The following ESRRB variants were observed in gnomAD, a reference collection of about 807,000 sequenced individuals.
ESRRB encodes the protein estrogen related receptor beta, also known as steroid hormone receptor ERR2.
In ESRRB, 16 loss-of-function variants were observed where a neutral mutation model predicts 46.0. The ratio of observed to expected loss-of-function variants is 0.35; its 90% CI spans 0.24 to 0.53. ESRRB has a LOEUF of 0.53. ESRRB is among the 20% of genes least tolerant of loss of function. ESRRB has a pLI of 0.93. For synonymous variants in ESRRB, 246 were observed against 259.6 expected (o/e 0.95, Z 0.50); for missense variants, 488 against 607.4 (o/e 0.80, Z 2.07).
At chr14:76,321,428 T>C (rs577300668) in intron 1 of ESRRB, among the ~76,000 whole-genome samples, 23 of 152,352 alleles carry the variant, frequency 1.5e-4, no homozygotes, top group African/African-American at 4.6e-4. Flanking sequence ...GGTTGAACCA[T>C]ATTATGACTT....
Position 76,376,180 on chromosome 14 carries a change from CT to C in ESRRB, c.-221del, listed in dbSNP as rs1353057794. The stretch of plus-strand genomic sequence containing the variant: ...CCTCCTCCACGGCTTCGCATCCCCT[CT>C]GCCCGCTCTCTCCGGAGCGTGCGGA... On this transcript the variant is annotated 5_prime_UTR_variant, in exon 1 of 7. Transcript: ENST00000644823. This position sits in a 1 kb window ranked among gnomAD's most constrained non-coding sequence, Gnocchi z 4.1. 1 of 392,540 alleles carries C rather than the reference CT, an allele frequency of 2.5e-6. No homozygotes were observed. Among genetic ancestry groups the C allele is most frequent in the Non-Finnish European group, 4.5e-6 (1 of 222,960 alleles). The allele number at this position is 392,540 out of a possible 1,614,324, so 24.3% of individuals were successfully genotyped here. A position where few individuals can be genotyped will look rare whatever the true frequency, so the allele number is the denominator to read the frequency against.
In ESRRB at chr14:76,398,951, A is replaced by G. The variant is rs867145006; in HGVS notation, c.50+22500A>G. Among the ~76,000 whole-genome samples the G allele has an allele frequency of 1.6e-4, 24 of 152,284 alleles. 2 individuals carry two copies. In the Middle Eastern group the frequency reaches 0.024, roughly 151 times the overall value. On this transcript the variant is annotated intron_variant, in intron 1 of 6. Coordinates refer to ENST00000644823, the MANE Select transcript of ESRRB (RefSeq NM_001379180.1). Reference sequence around the variant, plus strand: ...CTGAGGGGACTGTAGGAAGTGACAGAAAGGATGCAGTTGCATAGGTGGGTT... The same window carrying G: ...CTGAGGGGACTGTAGGAAGTGACAGGAAGGATGCAGTTGCATAGGTGGGTT...
At chr14:76,442,459 G>A (rs113579134) in intron 2 of ESRRB, among the ~76,000 whole-genome samples, 2,563 of 152,012 alleles carry the variant, frequency 0.017, 77 homozygotes, top group African/African-American at 0.059. Flanking sequence ...CTGGGCAACA[G>A]AGCAAGATCC....
intron 1 of ESRRB, among the ~76,000 whole-genome samples, chr14:76,347,105 G>A (rs1029923984): frequency 2.0e-5 from 3 of 152,162 alleles, no homozygotes; most frequent in Non-Finnish European, 4.4e-5. Flanking sequence ...TTGGAAACAA[G>A]CAGTCTCCCT....
Position 76,439,217 on chromosome 14 carries a change from C to G in ESRRB, c.51-124C>G, listed in dbSNP as rs112869560. The G allele has an allele frequency of 9.6e-5, 107 of 1,117,894 alleles. No individual in the cohort carries two copies. The African/African-American group carries it at 1.3e-3, about 14-fold the overall frequency. The allele number at this position is 1,117,894 out of a possible 1,614,324, so 69.2% of individuals were successfully genotyped here. A position where few individuals can be genotyped will look rare whatever the true frequency, so the allele number is the denominator to read the frequency against. ...GGGGAGACCAGCTGACCTTCTCCAC[C>G]GTTGTTTTATCGCACCAAAGCCTTA... On this transcript the variant is annotated intron_variant, in intron 1 of 6. Coordinates refer to ENST00000644823, the MANE Select transcript of ESRRB (RefSeq NM_001379180.1).
intron 2 of ESRRB, among the ~76,000 whole-genome samples, chr14:76,454,566 T>C (rs1888524237): frequency 6.6e-6 from 1 of 152,026 alleles, no homozygotes; most frequent in African/African-American, 2.4e-5. Context: ...AATGAGGAGT[T>C]TCAGGTAGAG....
intron 1 of ESRRB, among the ~76,000 whole-genome samples, chr14:76,401,214 A>G (rs574772409): frequency 5.3e-5 from 8 of 152,340 alleles, no homozygotes; most frequent in African/African-American, 1.9e-4. Context: ...TGAGCCTTCC[A>G]AATCCCCCAC....
chr14:76,489,445 C>CCACACACACACACACACTCACA (rs1890134795), intron 5 of ESRRB, among the ~76,000 whole-genome samples: 1 of 129,598 alleles, frequency 7.7e-6, no homozygotes, highest in Non-Finnish European at 1.6e-5. Flanking sequence ...ATCTGGACAA[C>CCACACACACACACACACTCACA]CACACACACA....
intron 1 of ESRRB, among the ~76,000 whole-genome samples, chr14:76,397,884 G>T (rs1156803726): frequency 6.6e-6 from 1 of 152,278 alleles, no homozygotes; most frequent in Non-Finnish European, 1.5e-5. Context: ...TGCATGCAAA[G>T]TTGACCTGTT....
rs931598377 is a variant in ESRRB at position 76,463,190 on chromosome 14, C to A, written c.577+529C>A. 6 of 213,470 alleles carry A rather than the reference C, an allele frequency of 2.8e-5. No individual in the cohort carries two copies. In the South Asian group the frequency reaches 5.2e-4, roughly 18 times the overall value. 13.2% of individuals were successfully genotyped at this position (213,470 alleles called of 1,614,324 possible). ...CCTCTCCCTTCCCTCTCCTTTCTCTCCCTGCGTCCTCTGTCTCTAGAGCTG... is the reference window on the plus strand; with the variant it reads ...CCTCTCCCTTCCCTCTCCTTTCTCTACCTGCGTCCTCTGTCTCTAGAGCTG... On this transcript the variant is annotated intron_variant, in intron 3 of 6. Coordinates refer to ENST00000644823, the MANE Select transcript of ESRRB (RefSeq NM_001379180.1).
At chr14:76,391,270 C>T (rs1272666567) in intron 1 of ESRRB, among the ~76,000 whole-genome samples, 3 of 152,144 alleles carry the variant, frequency 2.0e-5, no homozygotes, top group Non-Finnish European at 4.4e-5. Flanking sequence ...TTTCCTGGGT[C>T]CCAGCCAACC....
chr14:76,430,196 A>G (rs932770296), intron 1 of ESRRB, among the ~76,000 whole-genome samples: 9 of 152,184 alleles, frequency 5.9e-5, no homozygotes, highest in Non-Finnish European at 1.0e-4. Context: ...GTTACAGTAT[A>G]GTAGTTCTAG....
At chr14:76,356,966 C>T (rs1446879980) in intron 1 of ESRRB, among the ~76,000 whole-genome samples, 3 of 152,212 alleles carry the variant, frequency 2.0e-5, no homozygotes, top group Non-Finnish European at 2.9e-5. Context: ...TGAGGATCCT[C>T]AGGGAAGGTT....
chr14:76,445,466 C>CAAAAAAAA (rs747627410), intron 2 of ESRRB, among the ~76,000 whole-genome samples: 6 of 79,754 alleles, frequency 7.5e-5, no homozygotes, highest in Admixed American at 1.6e-4. Flanking sequence ...AACTCCGTCT[C>CAAAAAAAA]AAAAAAAAAA....
intron 1 of ESRRB, among the ~76,000 whole-genome samples, chr14:76,319,997 A>C (rs1352605682): frequency 6.6e-6 from 1 of 152,200 alleles, no homozygotes; most frequent in Non-Finnish European, 1.5e-5. Flanking sequence ...TGAAACACCA[A>C]CTTCAGGAGA....
chr14:76,316,815 A>G lies in ESRRB; in HGVS notation c.2+5899A>G, dbSNP rs144551076. On this transcript the variant is annotated intron_variant, in intron 1 of 6. Coordinates refer to the ESRRB transcript ENST00000512784. ...TCTTCCCAGGAATTTTATTCTGTTC[A>G]GTGAAGAAGCTTTGTCTAAGTCGAT... 7.7e-3 allele frequency among the ~76,000 whole-genome samples: 1,177 copies of G among 152,250 alleles called. 15 individuals carry two copies. The highest frequency in any genetic ancestry group is 0.027 in the African/African-American group (1,121 of 41,552).
At chr14:76,432,213 G>T (rs949213153) in intron 1 of ESRRB, among the ~76,000 whole-genome samples, 1 of 152,186 alleles carries the variant, frequency 6.6e-6, no homozygotes, top group Non-Finnish European at 1.5e-5. Context: ...AGGGTGCTAC[G>T]GGCATTGAGT....
intron 1 of ESRRB, among the ~76,000 whole-genome samples, chr14:76,317,310 CTG>C (rs4024313): frequency 0.087 from 11,660 of 134,180 alleles, 492 homozygotes; most frequent in African/African-American, 0.13. Context: ...TGATTAGGCT[CTG>C]TGTGTGTGTG....
At chr14:76,395,137 TAGAG>T (rs1352434934) in intron 1 of ESRRB, among the ~76,000 whole-genome samples, 1 of 151,930 alleles carries the variant, frequency 6.6e-6, no homozygotes, top group African/African-American at 2.4e-5. Flanking sequence ...GAGGAGGAGA[TAGAG>T]AGGTAAGAGC....
Sources: gnomAD v4.1 joint callset for allele counts (sites outside exome capture counted in the v4.1 genomes callset) on GRCh38, gnomAD v4.1.1 for gene constraint, Gnocchi (gnomAD v3.1) non-coding constraint, MANE v1.5 for transcripts, NCBI Gene and HGNC (gene_info 2026-07-23, HGNC 2026-07-21) for gene names.